BICRAL: variants seen among roughly 807,000 people sequenced by gnomAD.
BICRAL encodes the protein BICRA like chromatin remodeling complex associated protein, also known as BRD4-interacting chromatin-remodeling complex-associated protein-like.
A neutral mutation model predicts 91.8 loss-of-function variants in BICRAL; 8 were observed. The ratio of observed to expected loss-of-function variants is 0.09; its 90% CI spans 0.05 to 0.16. The LOEUF (loss-of-function observed/expected upper bound fraction) is 0.16, where lower values mean the gene tolerates loss of function less well. BICRAL is among the 10% of genes least tolerant of loss of function. BICRAL has a pLI of 1.00. For synonymous variants in BICRAL, 445 were observed against 491.1 expected, an observed-to-expected ratio of 0.91 and a Z score of 1.24; for missense variants, 1,038 against 1,310.9, an observed-to-expected ratio of 0.79 and a Z score of 3.21.
At chr6:42,817,013 C>CCA (rs1554279051) in intron 2 of BICRAL, among the ~76,000 whole-genome samples, 1 of 115,336 alleles carries the variant, frequency 8.7e-6, no homozygotes, top group Non-Finnish European at 1.8e-5. Flanking sequence ...GACTCCATCT[C>CCA]AAAAAAAAAA....
At chr6:42,849,439 A>AG (rs1182645816) in intron 6 of BICRAL, among the ~76,000 whole-genome samples, 1 of 144,236 alleles carries the variant, frequency 6.9e-6, no homozygotes, top group Non-Finnish European at 1.5e-5. Context: ...TGTTTAGAAC[A>AG]GATTTTTTTT....
intron 5 of BICRAL, among the ~76,000 whole-genome samples, chr6:42,827,356 G>T (rs1276663276): frequency 6.6e-6 from 1 of 152,158 alleles, no homozygotes; most frequent in Non-Finnish European, 1.5e-5. Context: ...CTCTGGTAAG[G>T]CTTGTGAATC....
intron 5 of BICRAL, among the ~76,000 whole-genome samples, chr6:42,824,712 A>G (rs1317587228): frequency 1.3e-5 from 2 of 152,240 alleles, no homozygotes; most frequent in Non-Finnish European, 2.9e-5. Flanking sequence ...ATAATCTTTA[A>G]AGAAATTATT....
intron 1 of BICRAL, among the ~76,000 whole-genome samples, chr6:42,802,650 A>G (rs1002734401): frequency 2.0e-5 from 3 of 152,088 alleles, no homozygotes; most frequent in Non-Finnish European, 4.4e-5. Flanking sequence ...GGGTTTCACC[A>G]TGGCCAGGCT....
chr6:42,752,138 C>CA (rs993280370), intron 1 of BICRAL, among the ~76,000 whole-genome samples: 2 of 152,208 alleles, frequency 1.3e-5, no homozygotes, highest in African/African-American at 4.8e-5. Flanking sequence ...TGAAAGGTGA[C>CA]AGTTGTGCAG....
intron 1 of BICRAL, among the ~76,000 whole-genome samples, chr6:42,754,768 G>A (rs1762435769): frequency 6.6e-6 from 1 of 152,156 alleles, no homozygotes. Flanking sequence ...ATGGTGGCAT[G>A]CACCTATAGT....
chr6:42,794,360 G>T (rs1475997556), intron 1 of BICRAL, among the ~76,000 whole-genome samples: 1 of 151,720 alleles, frequency 6.6e-6, no homozygotes, highest in African/African-American at 2.4e-5. Flanking sequence ...TAGAAATGCA[G>T]AACATATTCT....
chr6:42,810,053 G>A (rs1582835702), intron 1 of BICRAL, among the ~76,000 whole-genome samples: 1 of 152,078 alleles, frequency 6.6e-6, no homozygotes, highest in African/African-American at 2.4e-5. Context: ...TCCCAAAGTG[G>A]TGGGATTACA....
chr6:42,806,214 C>T (rs1231186905), intron 1 of BICRAL, among the ~76,000 whole-genome samples: 6 of 152,154 alleles, frequency 3.9e-5, no homozygotes, highest in Admixed American at 2.0e-4. Context: ...ACCAGAGGCC[C>T]TTGTTTGCAG....
intron 2 of BICRAL, among the ~76,000 whole-genome samples, chr6:42,812,889 G>T (rs1200037942): frequency 1.3e-5 from 2 of 152,076 alleles, no homozygotes; most frequent in Non-Finnish European, 2.9e-5. Flanking sequence ...ACAGAAATTA[G>T]CTGGGCATGA....
At chr6:42,838,731 C>T (rs1171568737) in intron 6 of BICRAL, among the ~76,000 whole-genome samples, 2 of 152,096 alleles carry the variant, frequency 1.3e-5, no homozygotes, top group African/African-American at 4.8e-5. Flanking sequence ...GAGGCAGAGG[C>T]GGGCAGATCA....
chr6:42,754,748 TTGTC>T (rs1762435253), intron 1 of BICRAL, among the ~76,000 whole-genome samples: 1 of 151,880 alleles, frequency 6.6e-6, no homozygotes, highest in South Asian at 2.1e-4. Context: ...TTTTAAAAAA[TTGTC>T]TGGGCATGGT....
intron 1 of BICRAL, among the ~76,000 whole-genome samples, chr6:42,757,546 C>T (rs764279346): frequency 6.6e-6 from 1 of 152,174 alleles, no homozygotes; most frequent in Non-Finnish European, 1.5e-5. Flanking sequence ...GCCACCATGC[C>T]CGGCTAATTT....
At chr6:42,812,084 C>T (rs1355631211) in intron 2 of BICRAL, among the ~76,000 whole-genome samples, 1 of 152,148 alleles carries the variant, frequency 6.6e-6, no homozygotes, top group East Asian at 1.9e-4. Flanking sequence ...AATGACCAGG[C>T]ACGCAAATTT....
chr6:42,822,872 A>G (rs752488630), intron 4 of BICRAL, 28 bp downstream of exon 4: 107 of 1,516,260 alleles, frequency 7.1e-5, no homozygotes, highest in Non-Finnish European at 9.4e-5. Context: ...TACCACAGAC[A>G]TCTATTTTGT....
intron 6 of BICRAL, among the ~76,000 whole-genome samples, chr6:42,846,611 G>A (rs1765018920): frequency 6.6e-6 from 1 of 152,100 alleles, no homozygotes; most frequent in African/African-American, 2.4e-5. Flanking sequence ...AACCATGACT[G>A]GAGGGGTAGT....
chr6:42,772,156 C>G (rs1407498475), intron 1 of BICRAL, among the ~76,000 whole-genome samples: 5 of 152,016 alleles, frequency 3.3e-5, no homozygotes, highest in Non-Finnish European at 4.4e-5. Context: ...TGCCTAACAG[C>G]ATTTGAAAAA....
At chr6:42,813,785 T>C (rs1763903960) in intron 2 of BICRAL, among the ~76,000 whole-genome samples, 1 of 152,036 alleles carries the variant, frequency 6.6e-6, no homozygotes, top group Admixed American at 6.6e-5. Flanking sequence ...CCTCCCAAAG[T>C]GCTAGGATTA....
intron 1 of BICRAL, among the ~76,000 whole-genome samples, chr6:42,751,232 T>C (rs1021551206): frequency 6.6e-6 from 1 of 152,050 alleles, no homozygotes; most frequent in African/African-American, 2.4e-5. Context: ...CCCAAGGTCC[T>C]GGCAGCATTG....
Sources: allele counts gnomAD v4.1 joint callset (sites outside exome capture counted in the v4.1 genomes callset), GRCh38; gene constraint gnomAD v4.1.1; transcripts MANE v1.5; gene names NCBI Gene and HGNC (gene_info 2026-07-23, HGNC 2026-07-21).